The following PPP2R3A variants were observed in gnomAD, a reference collection of about 807,000 sequenced individuals.
PPP2R3A encodes the protein protein phosphatase 2 regulatory subunit B''alpha, also known as serine/threonine-protein phosphatase 2A regulatory subunit B'' subunit alpha.
A neutral mutation model predicts 106.9 loss-of-function variants in PPP2R3A; 80 were observed. That is an observed-to-expected ratio of 0.75 (90% CI 0.62 to 0.90). The LOEUF (loss-of-function observed/expected upper bound fraction) is 0.90. Ranked by LOEUF, PPP2R3A falls within the 40% of genes least tolerant of loss-of-function variation. The pLI is 0.00. For synonymous variants in PPP2R3A, 483 were observed against 468.3 expected, an observed-to-expected ratio of 1.03 and a Z score of -0.41; for missense variants, 1,386 against 1,350.4, an observed-to-expected ratio of 1.03 and a Z score of -0.41.
intron 13 of PPP2R3A, among the ~76,000 whole-genome samples, chr3:136,118,514 G>A (rs1553758095): frequency 6.6e-6 from 1 of 152,214 alleles, no homozygotes; most frequent in Non-Finnish European, 1.5e-5. Context: ...AAGCTGATGA[G>A]CAACTTCAGC....
In PPP2R3A at chr3:136,003,009, G is replaced by T; in HGVS notation, c.1511G>T (p.Ser504Ile). Residue 504 changes from serine to isoleucine, a missense_variant, in exon 2 of 14, where the codon AGT becomes ATT. Ser to Ile is a moderately radical substitution (Grantham distance 142, BLOSUM62 -2). Coordinates refer to ENST00000264977, the MANE Select transcript of PPP2R3A (RefSeq NM_002718.5). ...GACCAGAGAGATTTTACAAATTCCA[G>T]TAGCCAGGAAGAGATAGATAAATTG... Reference protein sequence around the residue: ...EGDQRDFTNSSSQEEIDKLLM... With the variant: ...EGDQRDFTNSISQEEIDKLLM... The T allele has an allele frequency of 6.2e-7, 1 of 1,613,746 alleles. No homozygotes were observed. The highest frequency in any genetic ancestry group is 8.5e-7 in the Non-Finnish European group (1 of 1,179,846).
chr3:136,090,674 T>C lies in PPP2R3A; in HGVS notation c.2927+7T>C. 6.2e-7 allele frequency: 1 copy of C among 1,606,034 alleles called. No homozygotes were observed. The highest frequency in any genetic ancestry group is 8.5e-7 in the Non-Finnish European group (1 of 1,173,306). ...ACAAAAGGAATCCTACCAGGTATGA[T>C]TTCTAAGTTTCCTTTGCCAAGATGT... On this transcript the variant is annotated splice_region_variant and intron_variant, in intron 10 of 13. Transcript: ENST00000264977.
chr3:136,078,253 T>G, intron 6 of PPP2R3A, 114 bp from the exon 7 acceptor site: 1 of 724,580 alleles, frequency 1.4e-6, no homozygotes. Context: ...ACACTTAACA[T>G]AATCAAAAAG....
rs1256930626 is a variant in PPP2R3A at position 136,055,330 on chromosome 3, T to A, written c.2469+5969T>A. ...GAATCAACATCTTTACATTGCTCAA[T>A]TTTTTGATCAACTCTAAGAGTTTAG... On this transcript the variant is annotated intron_variant, in intron 5 of 13. Transcript: ENST00000264977. The A allele has an allele frequency of 1.6e-5, 15 of 934,754 alleles. No homozygotes were observed. The Admixed American group carries it at 2.2e-4, about 14-fold the overall frequency. The allele number at this position is 934,754 out of a possible 1,614,324, so 57.9% of individuals were successfully genotyped here. A position where few individuals can be genotyped will look rare whatever the true frequency, so the allele number is the denominator to read the frequency against.
Position 136,027,088 on chromosome 3 carries a change from A to G in PPP2R3A, c.2252A>G (p.Lys751Arg), listed in dbSNP as rs1232126127. Reference protein sequence around the residue: ...EQKADIYEMGKIAKVCGCPLY... With the variant: ...EQKADIYEMGRIAKVCGCPLY... ...AAAGCAGACATTTATGAAATGGGGA[A>G]AATTGCAAAGGTAATGTAACTACTA... The change falls in exon 3 of 14, where the codon AAA (lysine) becomes AGA (arginine). Residue 751 changes from lysine (K) to arginine (R), a missense_variant. Physicochemically the swap from Lys to Arg is conservative, Grantham distance 26. Coordinates refer to ENST00000264977, the MANE Select transcript of PPP2R3A (RefSeq NM_002718.5). 2 of 1,612,442 alleles carry G rather than the reference A, an allele frequency of 1.2e-6. No homozygotes were observed. Among genetic ancestry groups the G allele is most frequent in the Non-Finnish European group, 8.5e-7 (1 of 1,179,264 alleles).
At position 136,003,019 on chromosome 3, in the gene PPP2R3A, A is replaced by C. The variant is rs1933699638; in HGVS notation, c.1521A>C (p.Glu507Asp). ...ATTTTACAAATTCCAGTAGCCAGGA[A>C]GAGATAGATAAATTGTTAATGGATT... is the stretch of plus-strand genomic sequence containing the variant. ...QRDFTNSSSQ[E>D]EIDKLLMDLE... The change falls in exon 2 of 14, where the codon GAA (glutamate) becomes GAC (aspartate). Residue 507 changes from glutamate to aspartate, a missense_variant. Coordinates refer to ENST00000264977, the MANE Select transcript of PPP2R3A (RefSeq NM_002718.5). 1 of 1,613,496 alleles carries C rather than the reference A, an allele frequency of 6.2e-7. No homozygotes were observed. Among genetic ancestry groups the C allele is most frequent in the Non-Finnish European group, 8.5e-7 (1 of 1,179,786 alleles).
chr3:136,105,987 A>G (rs954594105), intron 12 of PPP2R3A, among the ~76,000 whole-genome samples: 1 of 152,080 alleles, frequency 6.6e-6, no homozygotes, highest in African/African-American at 2.4e-5. Flanking sequence ...AAAAAGAAAA[A>G]AATGGAATCT....
rs183592406 is a variant in PPP2R3A at position 135,989,780 on chromosome 3, G to A, written c.-440-11279G>A. On this transcript the variant is annotated intron_variant, in intron 1 of 13. Coordinates refer to ENST00000264977, the MANE Select transcript of PPP2R3A (RefSeq NM_002718.5). ...TACTGTGCTCATACAATATCTATAA[G>A]TTGTATACTATAGATTTTTATTTTC... Among the ~76,000 whole-genome samples the A allele has an allele frequency of 7.6e-4, 115 of 152,122 alleles. 1 individual carries two copies. The highest frequency in any genetic ancestry group is 1.3e-3 in the Admixed American group (20 of 15,278).
chr3:136,020,575 C>T (rs1934430905), intron 2 of PPP2R3A, among the ~76,000 whole-genome samples: 1 of 141,560 alleles, frequency 7.1e-6, no homozygotes, highest in Admixed American at 6.9e-5. Flanking sequence ...TTTACTAAAA[C>T]TTAGGGTTTT....
intron 10 of PPP2R3A, among the ~76,000 whole-genome samples, chr3:136,093,632 C>CTTATTGG (rs1461182700): frequency 6.6e-6 from 1 of 151,978 alleles, no homozygotes; most frequent in East Asian, 1.9e-4. Flanking sequence ...ATATGCATGG[C>CTTATTGG]CAATAAGCAC....
intron 4 of PPP2R3A, among the ~76,000 whole-genome samples, chr3:136,047,396 T>C (rs902895157): frequency 6.6e-6 from 1 of 152,210 alleles, no homozygotes; most frequent in East Asian, 1.9e-4. Context: ...TCAACATACA[T>C]GCCCATCAAT....
intron 5 of PPP2R3A, among the ~76,000 whole-genome samples, chr3:136,056,565 T>G (rs552292424): frequency 2.0e-5 from 3 of 152,196 alleles, no homozygotes; most frequent in African/African-American, 7.2e-5. Flanking sequence ...AACCTTTATC[T>G]TACACCGTAT....
intron 5 of PPP2R3A, among the ~76,000 whole-genome samples, chr3:136,067,284 G>A (rs1452440348): frequency 6.6e-6 from 1 of 152,146 alleles, no homozygotes; most frequent in African/African-American, 2.4e-5. Context: ...AACAGGGACT[G>A]GATTTACCTT....
chr3:136,033,640 C>A (rs762069202), intron 3 of PPP2R3A, among the ~76,000 whole-genome samples: 1 of 152,098 alleles, frequency 6.6e-6, no homozygotes, highest in African/African-American at 2.4e-5. Flanking sequence ...GGAATTTATT[C>A]ATCTCTTCTA....
At chr3:136,126,719 G>A (rs564865908) in intron 13 of PPP2R3A, among the ~76,000 whole-genome samples, 4 of 152,266 alleles carry the variant, frequency 2.6e-5, no homozygotes, top group South Asian at 2.1e-4. Flanking sequence ...GTAGCCTAAC[G>A]GGGAGACACC....
intron 13 of PPP2R3A, among the ~76,000 whole-genome samples, chr3:136,125,773 A>T (rs1176201044): frequency 6.6e-6 from 1 of 152,214 alleles, no homozygotes; most frequent in Non-Finnish European, 1.5e-5. Context: ...CCAATGACAT[A>T]AAAAAGATTA....
intron 5 of PPP2R3A, among the ~76,000 whole-genome samples, chr3:136,058,301 GATAAACAACTT>G: frequency 6.6e-6 from 1 of 152,278 alleles, no homozygotes; most frequent in East Asian, 1.9e-4. Flanking sequence ...TTCTTAAGCT[GATAAACAACTT>G]CAGCAAAGTC....
chr3:135,984,896 A>G (rs143597611), intron 1 of PPP2R3A, among the ~76,000 whole-genome samples: 208 of 152,242 alleles, frequency 1.4e-3, no homozygotes, highest in African/African-American at 4.8e-3. Flanking sequence ...TCTTTCGTGG[A>G]TGGTGCCAGG....
intron 13 of PPP2R3A, among the ~76,000 whole-genome samples, chr3:136,133,312 T>A (rs77257642): frequency 0.048 from 7,315 of 152,126 alleles, 565 homozygotes; most frequent in African/African-American, 0.16. Context: ...AAGACTAATA[T>A]CTCAATTTTT....
Sources: gnomAD v4.1 joint callset for allele counts (sites outside exome capture counted in the v4.1 genomes callset) on GRCh38, gnomAD v4.1.1 for gene constraint, MANE v1.5 for transcripts, NCBI Gene and HGNC (gene_info 2026-07-23, HGNC 2026-07-21) for gene names.